Variants in FDX1 observed in about 807,000 individuals in gnomAD.
FDX1 encodes the protein ferredoxin 1.
In FDX1, 9 loss-of-function variants were observed where a neutral mutation model predicts 14.9. The observed-to-expected ratio is 0.60, with a 90% CI of 0.36 to 1.05. The LOEUF (loss-of-function observed/expected upper bound fraction) is 1.05. FDX1 is among the 50% of genes least tolerant of loss of function. The pLI is 0.01. For missense variants in FDX1, 204 were observed against 237.2 expected (o/e 0.86, Z 0.92); for synonymous variants, 92 against 99.4 (o/e 0.93, Z 0.44).
At chr11:110,461,418 C>T (rs1235900002) in intron 3 of FDX1, among the ~76,000 whole-genome samples, 2 of 149,528 alleles carry the variant, frequency 1.3e-5, no homozygotes, top group African/African-American at 4.9e-5. Flanking sequence ...ATCACCAGGG[C>T]CTGGGAGGTG....
chr11:110,454,032 G>A (rs1278285098), intron 2 of FDX1, among the ~76,000 whole-genome samples: 1 of 152,196 alleles, frequency 6.6e-6, no homozygotes, highest in African/African-American at 2.4e-5. Context: ...AATAGTGAGG[G>A]ATCATGAATG....
chr11:110,438,634 A>G (rs571539360), intron 2 of FDX1, among the ~76,000 whole-genome samples: 1 of 152,092 alleles, frequency 6.6e-6, no homozygotes, highest in East Asian at 1.9e-4. Context: ...TAATTTTATG[A>G]TTATTTTCAA....
In FDX1 at chr11:110,452,057, C is replaced by T. The variant is rs188752150; in HGVS notation, c.311-4861C>T. 2.6e-3 allele frequency among the ~76,000 whole-genome samples: 391 copies of T among 152,248 alleles called. 3 individuals are homozygous for T. Among genetic ancestry groups the T allele is most frequent in the African/African-American group, 8.1e-3 (338 of 41,556 alleles). ...AAAAGGTGCATCAACCTAAACCTCA[C>T]ATCTTATAAAAACATGAATGCAAAA... On this transcript the variant is annotated intron_variant, in intron 2 of 3. Transcript: ENST00000260270.
chr11:110,430,515 A>G (rs1946323638), intron 1 of FDX1, among the ~76,000 whole-genome samples: 1 of 152,138 alleles, frequency 6.6e-6, no homozygotes, highest in African/African-American at 2.4e-5. Flanking sequence ...GTCGCACCGC[A>G]GAGTTCCTTT....
chr11:110,451,685 C>A (rs1328115384), intron 2 of FDX1, among the ~76,000 whole-genome samples: 1 of 152,082 alleles, frequency 6.6e-6, no homozygotes, highest in Non-Finnish European at 1.5e-5. Flanking sequence ...TAGAATCAAC[C>A]CAAATGCCAA....
At chr11:110,444,217 G>A (rs1171291785) in intron 2 of FDX1, among the ~76,000 whole-genome samples, 2 of 151,874 alleles carry the variant, frequency 1.3e-5, no homozygotes, top group Non-Finnish European at 1.5e-5. Flanking sequence ...ATCCATTTTG[G>A]GTTAATTTTT....
intron 3 of FDX1, among the ~76,000 whole-genome samples, chr11:110,460,940 A>G (rs1033314088): frequency 2.6e-5 from 4 of 152,182 alleles, no homozygotes; most frequent in Non-Finnish European, 4.4e-5. Context: ...GCTCTTCCTC[A>G]TTGACATTTA....
In FDX1 at chr11:110,462,883, T is replaced by A. The variant is rs1334414478; in HGVS notation, c.*415T>A. 1 of 157,104 alleles carries A rather than the reference T, an allele frequency of 6.4e-6. No homozygotes were observed. The highest frequency in any genetic ancestry group is 2.4e-5 in the African/African-American group (1 of 41,506). 9.7% of individuals were successfully genotyped at this position (157,104 alleles called of 1,614,324 possible). A position where few individuals can be genotyped will look rare whatever the true frequency, so the allele number is the denominator to read the frequency against. ...GCCATACCACTAATTAGAAAATCTG[T>A]GCTAGAACCTGTGTCTTATTCCTAT... On this transcript the variant is annotated 3_prime_UTR_variant, in exon 4 of 4. Coordinates refer to ENST00000260270, the MANE Select transcript of FDX1 (RefSeq NM_004109.5).
intron 2 of FDX1, among the ~76,000 whole-genome samples, chr11:110,440,491 T>A: frequency 6.6e-6 from 1 of 152,220 alleles, no homozygotes; most frequent in Middle Eastern, 3.2e-3. Flanking sequence ...ATTTTTTGAT[T>A]TCTGCCATAT....
chr11:110,445,235 TCTCAAA>T (rs1946442789), intron 2 of FDX1, among the ~76,000 whole-genome samples: 1 of 152,222 alleles, frequency 6.6e-6, no homozygotes, highest in Non-Finnish European at 1.5e-5. Flanking sequence ...AGTTACATAT[TCTCAAA>T]ATAGTGTAAA....
intron 2 of FDX1, among the ~76,000 whole-genome samples, chr11:110,450,226 C>A (rs1031538387): frequency 3.9e-5 from 6 of 151,980 alleles, no homozygotes; most frequent in Non-Finnish European, 8.8e-5. Context: ...TTATACAACT[C>A]ATCATAAGGT....
At chr11:110,457,435 C>T (rs560464437) in intron 3 of FDX1, among the ~76,000 whole-genome samples, 2 of 152,088 alleles carry the variant, frequency 1.3e-5, no homozygotes, top group African/African-American at 2.4e-5. Flanking sequence ...TTTAAAGAAA[C>T]TTAATATATA....
chr11:110,430,132 T>TG lies in FDX1; in HGVS notation c.17dup (p.Ala7ArgfsTer60). On this transcript the variant is annotated frameshift_variant, in exon 1 of 4. Coordinates refer to ENST00000260270, the MANE Select transcript of FDX1 (RefSeq NM_004109.5). LOFTEE classifies it high-confidence loss of function. ...CCCGACCGCGGGCGATGGCTGCCGC[T>TG]GGGGGCGCCCGGCTGCTGCGCGCCG... 1 of 1,239,308 alleles carries TG rather than the reference T, an allele frequency of 8.1e-7. No homozygotes were observed. The highest frequency in any genetic ancestry group is 1.0e-6 in the Non-Finnish European group (1 of 994,574). 76.8% of individuals were successfully genotyped at this position (1,239,308 alleles called of 1,614,324 possible).
At chr11:110,458,157 T>G (rs1946534296) in intron 3 of FDX1, among the ~76,000 whole-genome samples, 2 of 152,220 alleles carry the variant, frequency 1.3e-5, no homozygotes. Flanking sequence ...GCTTGCTCTT[T>G]TATACAGTTA....
intron 1 of FDX1, among the ~76,000 whole-genome samples, chr11:110,435,332 C>T (rs1460456146): frequency 6.6e-6 from 1 of 152,202 alleles, no homozygotes; most frequent in Non-Finnish European, 1.5e-5. Flanking sequence ...GTTACAGGTG[C>T]AAGCTACTGC....
chr11:110,432,800 A>G (rs1174902861), intron 1 of FDX1, among the ~76,000 whole-genome samples: 1 of 152,180 alleles, frequency 6.6e-6, no homozygotes, highest in Non-Finnish European at 1.5e-5. Context: ...CTTAGGTTCC[A>G]TACTCTTTCA....
chr11:110,456,996 T>C lies in FDX1; in HGVS notation c.389T>C (p.Ile130Thr). 1 of 1,613,804 alleles carries C rather than the reference T, an allele frequency of 6.2e-7. No individual in the cohort carries two copies. Among genetic ancestry groups the C allele is most frequent in the Non-Finnish European group, 8.5e-7 (1 of 1,179,788 alleles). The change falls in exon 3 of 4, where the codon ATC becomes ACC. Residue 130 changes from isoleucine to threonine, a missense_variant. Physicochemically the swap from Ile to Thr is moderately conservative, Grantham distance 89. Transcript: ENST00000260270. ...CACATATATGAGAAGTTAGATGCAA[T>C]CACTGATGAGGAGAATGACATGCTC... ...EDHIYEKLDA[I>T]TDEENDMLDL...
chr11:110,460,652 T>C (rs1946550944), intron 3 of FDX1, among the ~76,000 whole-genome samples: 1 of 152,230 alleles, frequency 6.6e-6, no homozygotes, highest in African/African-American at 2.4e-5. Context: ...TCTGAATGTG[T>C]CTCATCTCAT....
intron 2 of FDX1, among the ~76,000 whole-genome samples, chr11:110,447,296 A>C (rs1447000053): frequency 1.8e-4 from 24 of 134,106 alleles, no homozygotes; most frequent in African/African-American, 5.7e-4. Flanking sequence ...AAAAAAAAAA[A>C]AAAAAAACCC....
Sources: allele counts gnomAD v4.1 joint callset (sites outside exome capture counted in the v4.1 genomes callset), GRCh38; gene constraint gnomAD v4.1.1; transcripts MANE v1.5; gene names NCBI Gene and HGNC (gene_info 2026-07-23, HGNC 2026-07-21).